Variants in PPP2R3A observed in about 807,000 individuals in gnomAD.
PPP2R3A encodes the protein serine/threonine-protein phosphatase 2A regulatory subunit B'' subunit alpha.
Under a neutral mutation model 106.9 loss-of-function variants are expected in PPP2R3A, and 80 were observed. The observed-to-expected ratio is 0.75, with a 90% confidence interval of 0.62 to 0.90. The LOEUF (loss-of-function observed/expected upper bound fraction) is 0.90. PPP2R3A is among the 40% of genes least tolerant of loss of function. The probability of loss-of-function intolerance (pLI) is 0.00; values close to 1 mark genes in which losing one functional copy is unlikely to be tolerated. For missense variants in PPP2R3A, 1,386 were observed against 1,350.4 expected, an observed-to-expected ratio of 1.03 and a Z score of -0.41; for synonymous variants, 483 against 468.3, an observed-to-expected ratio of 1.03 and a Z score of -0.41.
chr3:135,998,798 T>G (rs568902260), intron 1 of PPP2R3A, among the ~76,000 whole-genome samples: 2 of 152,372 alleles, frequency 1.3e-5, no homozygotes, highest in Admixed American at 1.3e-4. Context: ...TCTATGTCTA[T>G]TTTGACCTGG....
At chr3:136,022,515 C>T (rs530358114) in intron 2 of PPP2R3A, among the ~76,000 whole-genome samples, 7 of 152,102 alleles carry the variant, frequency 4.6e-5, no homozygotes, top group South Asian at 2.1e-4. Flanking sequence ...GTTTCAAATT[C>T]GAAGTTCAGT....
At position 136,040,018 on chromosome 3, in the gene PPP2R3A, A is replaced by C. The variant is rs1576454537; in HGVS notation, c.2263-841A>C. Reference sequence around the variant, plus strand: ...CATTTTACCTTTCATCTTTTACCTGAATTATAACCATTTAAATAGATATGA... The same window carrying C: ...CATTTTACCTTTCATCTTTTACCTGCATTATAACCATTTAAATAGATATGA... On this transcript the variant is annotated intron_variant, in intron 3 of 13. Transcript: ENST00000264977. 2.0e-5 allele frequency among the ~76,000 whole-genome samples: 3 copies of C among 152,274 alleles called. No homozygotes were observed. The East Asian group carries it at 5.8e-4, about 29-fold the overall frequency.
intron 5 of PPP2R3A, among the ~76,000 whole-genome samples, chr3:136,054,253 C>CTTTTTTTTTTTTTTT (rs35801926): frequency 1.2e-5 from 1 of 80,728 alleles, no homozygotes; most frequent in African/African-American, 5.7e-5. Flanking sequence ...CTTCACAATT[C>CTTTTTTTTTTTTTTT]TTTTTTTTTT....
At chr3:135,968,411 A>G (rs1484230774) in intron 1 of PPP2R3A, among the ~76,000 whole-genome samples, 1 of 152,204 alleles carries the variant, frequency 6.6e-6, no homozygotes, top group Non-Finnish European at 1.5e-5. Context: ...TGAAGGATTA[A>G]CAGGAGTTAC....
chr3:136,146,009 AAG>A lies in PPP2R3A; in HGVS notation c.*844_*845del, dbSNP rs1225323692. 4 of 152,188 alleles carry A rather than the reference AAG, an allele frequency of 2.6e-5. No homozygotes were observed. The highest frequency in any genetic ancestry group is 9.7e-5 in the African/African-American group (4 of 41,450). 9.4% of individuals were successfully genotyped at this position (152,188 alleles called of 1,614,324 possible). A position where few individuals can be genotyped will look rare whatever the true frequency, so the allele number is the denominator to read the frequency against. On this transcript the variant is annotated 3_prime_UTR_variant, in exon 14 of 14. Coordinates refer to ENST00000264977, the MANE Select transcript of PPP2R3A (RefSeq NM_002718.5). ...ATCAGAAGGCCTGCTTGAAGACATA[AAG>A]GAATAATGATACATTAAAATTCTTA...
intron 4 of PPP2R3A, among the ~76,000 whole-genome samples, chr3:136,044,146 G>C (rs559118968): frequency 1.3e-5 from 2 of 152,192 alleles, no homozygotes; most frequent in East Asian, 3.9e-4. Context: ...AGCATCTATT[G>C]CGTGAATCTT....
chr3:136,104,298 TTGTGTGTGTG>T (rs55839641), intron 12 of PPP2R3A, among the ~76,000 whole-genome samples: 3 of 148,770 alleles, frequency 2.0e-5, no homozygotes, highest in East Asian at 2.0e-4. Context: ...GTTTCTTTCT[TTGTGTGTGTG>T]TGTGTGTGTG....
At chr3:136,017,117 T>C (rs1278557581) in intron 2 of PPP2R3A, among the ~76,000 whole-genome samples, 2 of 152,158 alleles carry the variant, frequency 1.3e-5, no homozygotes, top group Admixed American at 1.3e-4. Context: ...TTGATAATTG[T>C]TTGTTTAAGG....
At chr3:136,041,074 T>C (rs1935250881) in intron 4 of PPP2R3A, 112 bp downstream of exon 4, 2 of 770,102 alleles carry the variant, frequency 2.6e-6, no homozygotes, top group Admixed American at 6.9e-5. Context: ...CTTTACTCTT[T>C]ATATCAACAA....
At chr3:136,039,221 C>T (rs1473043976) in intron 3 of PPP2R3A, among the ~76,000 whole-genome samples, 1 of 152,114 alleles carries the variant, frequency 6.6e-6, no homozygotes, top group Non-Finnish European at 1.5e-5. Context: ...AGAGGCTTTT[C>T]CTCTGTAGAA....
At chr3:136,010,323 A>G (rs1934011433) in intron 2 of PPP2R3A, among the ~76,000 whole-genome samples, 3 of 122,698 alleles carry the variant, frequency 2.4e-5, no homozygotes, top group Admixed American at 2.0e-4. Context: ...CAGTGGTGTG[A>G]TCTTGGCTCA....
intron 1 of PPP2R3A, among the ~76,000 whole-genome samples, chr3:135,971,752 AT>A (rs574943377): frequency 0.012 from 1,754 of 152,306 alleles, 18 homozygotes; most frequent in Non-Finnish European, 0.02. Context: ...AAAATATCTT[AT>A]TTAGAAACTT....
intron 2 of PPP2R3A, among the ~76,000 whole-genome samples, chr3:136,020,753 G>A (rs1034707993): frequency 9.9e-5 from 15 of 152,072 alleles, no homozygotes; most frequent in African/African-American, 3.6e-4. Context: ...AAATATGAGA[G>A]TGTAAGAGAA....
intron 5 of PPP2R3A, chr3:136,055,261 A>G (rs1935821970): frequency 2.4e-6 from 2 of 835,892 alleles, no homozygotes; most frequent in Non-Finnish European, 4.1e-6. Flanking sequence ...AGAAACATGA[A>G]GTACAAATGG....
chr3:136,002,548 T>C lies in PPP2R3A; in HGVS notation c.1050T>C (p.Thr350=). Reference sequence around the variant, plus strand: ...CTTCTGACTCTGGACGATTTCAAACTATTGAATTGCAAAATGACAAGCCTA... The same window carrying C: ...CTTCTGACTCTGGACGATTTCAAACCATTGAATTGCAAAATGACAAGCCTA... ...LSASDSGRFQ[T]IELQNDKPNS... Residue 350 remains threonine, a synonymous_variant, in exon 2 of 14, where the codon ACT becomes ACC. Transcript: ENST00000264977. The C allele has an allele frequency of 1.2e-6, 2 of 1,613,936 alleles. No homozygotes were observed. The highest frequency in any genetic ancestry group is 1.7e-6 in the Non-Finnish European group (2 of 1,179,858).
At chr3:136,136,138 C>T (rs1294200857) in intron 13 of PPP2R3A, among the ~76,000 whole-genome samples, 6 of 145,014 alleles carry the variant, frequency 4.1e-5, no homozygotes, top group Admixed American at 2.7e-4. Flanking sequence ...GTTAGACGAA[C>T]CTAACTTCAA....
rs1934685596 is a variant in PPP2R3A at position 136,026,951 on chromosome 3, G to T, written c.2115G>T (p.Leu705Phe). ...PHVNNVVNAP[L>F]SINIPRFYFP... ...TGAATAATGTTGTGAATGCGCCATTGTCCATAAACATTCCACGGTTCTACT... is the reference window on the plus strand; with the variant it reads ...TGAATAATGTTGTGAATGCGCCATTTTCCATAAACATTCCACGGTTCTACT... The change falls in exon 3 of 14, where the codon TTG becomes TTT. Residue 705 changes from leucine (L) to phenylalanine (F), a missense_variant. By Grantham distance (22) the Leu-to-Phe change is conservative. Coordinates refer to ENST00000264977, the MANE Select transcript of PPP2R3A (RefSeq NM_002718.5). 2 of 1,613,746 alleles carry T rather than the reference G, an allele frequency of 1.2e-6. No homozygotes were observed. The highest frequency in any genetic ancestry group is 1.1e-5 in the South Asian group (1 of 91,064).
intron 13 of PPP2R3A, among the ~76,000 whole-genome samples, chr3:136,136,186 A>G (rs946852627): frequency 6.6e-6 from 1 of 151,528 alleles, no homozygotes. Context: ...AATCTCAGGC[A>G]TCCAAGCCTC....
At chr3:136,048,108 GA>G (rs113680435) in intron 4 of PPP2R3A, among the ~76,000 whole-genome samples, 14 of 147,866 alleles carry the variant, frequency 9.5e-5, no homozygotes, top group South Asian at 2.1e-4. Flanking sequence ...AATAAAAGTT[GA>G]AAAAAAAAAG....
Sources: allele counts gnomAD v4.1 joint callset (sites outside exome capture counted in the v4.1 genomes callset), GRCh38; gene constraint gnomAD v4.1.1; transcripts MANE v1.5; gene names NCBI Gene and HGNC (gene_info 2026-07-23, HGNC 2026-07-21).